The following MICA variants were observed in gnomAD, a reference collection of about 807,000 sequenced individuals.
MICA encodes the protein HLA class I antigen.
MICA carries 18 observed loss-of-function variants against 34.3 expected under a neutral mutation model. The observed-to-expected ratio is 0.52, with a 90% CI of 0.36 to 0.78. The LOEUF (loss-of-function observed/expected upper bound fraction) is 0.78, where lower values mean the gene tolerates loss of function less well. MICA is among the 30% of genes least tolerant of loss of function. The pLI is 0.00. For synonymous variants in MICA, 135 were observed against 156.9 expected (o/e 0.86, Z 1.04); for missense variants, 333 against 409.4 (o/e 0.81, Z 1.61).
chr6:31,400,961 C>T (rs561218778), upstream of MICA, among the ~76,000 whole-genome samples: 173 of 151,844 alleles, frequency 1.1e-3, 4 homozygotes, highest in South Asian at 0.032. Context: ...CTCCCCTAGC[C>T]CAAGAGAGGA....
chr6:31,407,392 G>A (rs1353539363), intron 1 of MICA, among the ~76,000 whole-genome samples: 1 of 151,668 alleles, frequency 6.6e-6, no homozygotes. Flanking sequence ...ATGTGCCACT[G>A]TGCCTGGCTA....
Position 31,411,016 on chromosome 6 carries a change from T to C in MICA, c.326-56T>C. On this transcript the variant is annotated intron_variant, in intron 2 of 5. Transcript: ENST00000449934. The surrounding 1 kb of genome is among the most constrained non-coding windows in gnomAD (Gnocchi z 4.3). Reference sequence around the variant, plus strand: ...ATACCCCCTGGGCTGAGTTCCTCACTTGGGTGGAAAGGTGATGGGTTCGGG... The same window carrying C: ...ATACCCCCTGGGCTGAGTTCCTCACCTGGGTGGAAAGGTGATGGGTTCGGG... 6.6e-7 allele frequency: 1 copy of C among 1,508,334 alleles called. No homozygotes were observed. 93.4% of individuals were successfully genotyped at this position (1,508,334 alleles called of 1,614,324 possible).
upstream of MICA, among the ~76,000 whole-genome samples, chr6:31,402,791 G>A (rs1750344743): frequency 6.6e-6 from 1 of 150,642 alleles, no homozygotes; most frequent in Non-Finnish European, 1.5e-5. Flanking sequence ...CACATTGGAG[G>A]GGACTATGGT....
At chr6:31,403,537 T>G, upstream of MICA, 5 of 1,002,372 alleles carry the variant, frequency 5.0e-6, no homozygotes, top group Non-Finnish European at 6.9e-6. This position sits in a 1 kb window ranked among gnomAD's most constrained non-coding sequence, Gnocchi z 4.7. Flanking sequence ...TTTCATTGGA[T>G]GAGCGGTCGG....
rs143510919 is a variant in MICA at position 31,408,741 on chromosome 6, C to T, written c.71-1802C>T. 4.2e-3 allele frequency among the ~76,000 whole-genome samples: 634 copies of T among 151,948 alleles called. 17 individuals carry two copies. The East Asian group carries it at 0.052, about 12-fold the overall frequency. On this transcript the variant is annotated intron_variant, in intron 1 of 5. Transcript: ENST00000449934. ...GAGGTTCGGTGGGCACAGTGGCTCACGCCTGGATTTCCAGCACTTTGGGAG... is the reference window on the plus strand; with the variant it reads ...GAGGTTCGGTGGGCACAGTGGCTCATGCCTGGATTTCCAGCACTTTGGGAG...
chr6:31,407,140 G>C (rs117246140), intron 1 of MICA, among the ~76,000 whole-genome samples: 2 of 151,778 alleles, frequency 1.3e-5, no homozygotes, highest in African/African-American at 4.9e-5. Flanking sequence ...GATTACTTTG[G>C]GTAGTATGGA....
chr6:31,410,927 C>T, intron 2 of MICA, 130 bp downstream of exon 2: 1 of 1,468,646 alleles, frequency 6.8e-7, no homozygotes, highest in Non-Finnish European at 9.0e-7. Flanking sequence ...GTCAGTGGAA[C>T]TCAGCAGGGA....
chr6:31,401,832 T>C (rs1022700832), upstream of MICA, among the ~76,000 whole-genome samples: 3 of 151,824 alleles, frequency 2.0e-5, no homozygotes, highest in Non-Finnish European at 4.4e-5. Context: ...ACAACCTAGG[T>C]TGTGGCTGTG....
chr6:31,407,314 G>T (rs575842924), intron 1 of MICA, among the ~76,000 whole-genome samples: 1 of 151,886 alleles, frequency 6.6e-6, no homozygotes, highest in Non-Finnish European at 1.5e-5. Context: ...TTGGCTCACC[G>T]CAACCTCCGC....
Position 31,415,220 on chromosome 6 carries a change from A to G in MICA, c.*238A>G, listed in dbSNP as rs113203597. 1 of 651,742 alleles carries G rather than the reference A, an allele frequency of 1.5e-6. No individual in the cohort carries two copies. Among genetic ancestry groups the G allele is most frequent in the African/African-American group, 1.9e-5 (1 of 54,000 alleles). 40.4% of individuals were successfully genotyped at this position (651,742 alleles called of 1,614,324 possible). ...TCCCTCTTGGTGCCTCAGTTTCCTG[A>G]CCTATGAAACAGAGAAAATAAAAGC... On this transcript the variant is annotated 3_prime_UTR_variant, in exon 6 of 6. Coordinates refer to ENST00000449934, the MANE Select transcript of MICA (RefSeq NM_001177519.3).
At chr6:31,401,281 G>A (rs1770414803), upstream of MICA, among the ~76,000 whole-genome samples, 1 of 151,800 alleles carries the variant, frequency 6.6e-6, no homozygotes, top group Non-Finnish European at 1.5e-5. Flanking sequence ...AATAAATTAT[G>A]AGGATCAAAA....
At chr6:31,409,995 AC>A (rs879844007) in intron 1 of MICA, among the ~76,000 whole-genome samples, 147 of 151,558 alleles carry the variant, frequency 9.7e-4, no homozygotes, top group African/African-American at 3.4e-3. Flanking sequence ...CCTCTGGGAT[AC>A]TGACCCCACT....
At chr6:31,405,028 C>A (rs535347648) in intron 1 of MICA, among the ~76,000 whole-genome samples, 3,598 of 150,224 alleles carry the variant, frequency 0.024, 52 homozygotes, top group South Asian at 0.04. Context: ...CAGTGCTGAG[C>A]ATCTTTCCCA....
chr6:31,413,911 G>A (rs116140054), intron 5 of MICA, among the ~76,000 whole-genome samples: 2,517 of 152,074 alleles, frequency 0.017, 58 homozygotes, highest in African/African-American at 0.024. Flanking sequence ...AAAGATATTC[G>A]TAATTTCAGC....
chr6:31,410,748 C>T lies in MICA; in HGVS notation c.276C>T (p.Asn92=), dbSNP rs17206561. ...GAGAGACCAGGGACTTGACAGGGAA[C>T]GGAAAGGACCTCAGGATGACCCTGG... ...WDRETRDLTG[N]GKDLRMTLAH... is the part of the protein sequence containing the mutation. Residue 92 remains asparagine (N), a synonymous_variant, in exon 2 of 6, where the codon AAC becomes AAT. Transcript: ENST00000449934. 4.8e-5 allele frequency: 77 copies of T among 1,593,896 alleles called. 1 individual carries two copies. The highest frequency in any genetic ancestry group is 1.7e-4 in the Middle Eastern group (1 of 6,060).
rs1131898 is a variant in MICA, at chr6:31,412,018, A to G, written c.685A>G (p.Ser229Gly). The stretch of plus-strand genomic sequence containing the variant: ...CATCACCGTGACATGCAGGGCTTCC[A>G]GCTTCTATCCCCGGAATATCATACT... ...GNITVTCRAS[S>G]FYPRNIILTW... Residue 229 changes from serine to glycine, a missense_variant, in exon 4 of 6, where the codon AGC (serine) becomes GGC (glycine). Transcript: ENST00000449934. 0.29 allele frequency: 468,221 copies of G among 1,604,440 alleles called. 73,745 individuals are homozygous for G. Among genetic ancestry groups the G allele is most frequent in the African/African-American group, 0.45 (33,544 of 74,478 alleles).
upstream of MICA, among the ~76,000 whole-genome samples, chr6:31,401,279 A>G (rs1011695217): frequency 1.3e-5 from 2 of 151,866 alleles, no homozygotes; most frequent in African/African-American, 4.8e-5. Context: ...TCAATAAATT[A>G]TGAGGATCAA....
At chr6:31,403,551 A>C (rs1770560025), upstream of MICA, 2 of 1,152,588 alleles carry the variant, frequency 1.7e-6, no homozygotes, top group Non-Finnish European at 1.2e-6. This position sits in a 1 kb window ranked among gnomAD's most constrained non-coding sequence, Gnocchi z 4.7. Flanking sequence ...CGGTCGGGGG[A>C]CCGGGCCAGG....
At chr6:31,401,516 C>T (rs780800499), upstream of MICA, among the ~76,000 whole-genome samples, 6 of 151,570 alleles carry the variant, frequency 4.0e-5, no homozygotes, top group Non-Finnish European at 8.8e-5. Flanking sequence ...TAGATGACAG[C>T]TGGGTGTGGT....
Sources: allele counts gnomAD v4.1 joint callset (sites outside exome capture counted in the v4.1 genomes callset), GRCh38; gene constraint gnomAD v4.1.1; non-coding constraint Gnocchi (gnomAD v3.1); transcripts MANE v1.5; gene names NCBI Gene and HGNC (gene_info 2026-07-23, HGNC 2026-07-21).